Variants in CACNA2D3 observed in about 807,000 individuals in gnomAD.
The protein encoded by CACNA2D3 is calcium voltage-gated channel auxiliary subunit alpha2delta 3.
CACNA2D3 carries 60 observed loss-of-function variants against 160.6 expected under a neutral mutation model. The ratio of observed to expected loss-of-function variants is 0.37; its 90% CI spans 0.30 to 0.46. CACNA2D3 has a LOEUF of 0.46. CACNA2D3 is among the 20% of genes least tolerant of loss of function. The pLI is 1.00. For missense variants in CACNA2D3, 1,205 were observed against 1,365.0 expected, an observed-to-expected ratio of 0.88 and a Z score of 1.85; for synonymous variants, 558 against 492.9, an observed-to-expected ratio of 1.13 and a Z score of -1.75.
At chr3:54,985,167 G>T (rs535404185) in intron 30 of CACNA2D3, among the ~76,000 whole-genome samples, 2 of 152,282 alleles carry the variant, frequency 1.3e-5, no homozygotes, top group South Asian at 2.1e-4. Context: ...AACAGCTTGG[G>T]CTCTCAACAC....
rs373186412 is a variant in CACNA2D3 at position 54,666,914 on chromosome 3, C to G, written c.1167+24673C>G. 1.3e-3 allele frequency among the ~76,000 whole-genome samples: 203 copies of G among 152,292 alleles called. 2 individuals carry two copies. The highest frequency in any genetic ancestry group is 4.6e-3 in the African/African-American group (192 of 41,566). On this transcript the variant is annotated intron_variant, in intron 11 of 37. Coordinates refer to ENST00000474759, the MANE Select transcript of CACNA2D3 (RefSeq NM_018398.3). ...GTCACCTGGGGCAGCAGAATCCTTT[C>G]AAGACTCTGCCCAGGTGGATGGCTG...
At chr3:54,943,057 C>G (rs1332592698) in intron 27 of CACNA2D3, among the ~76,000 whole-genome samples, 1 of 151,762 alleles carries the variant, frequency 6.6e-6, no homozygotes, top group East Asian at 1.9e-4. Context: ...TCAAAATTAA[C>G]CATGTGTGGT....
At chr3:54,361,473 T>C (rs957267304) in intron 3 of CACNA2D3, among the ~76,000 whole-genome samples, 11 of 152,254 alleles carry the variant, frequency 7.2e-5, no homozygotes, top group African/African-American at 2.7e-4. Context: ...ACTTTAGTTT[T>C]TTCATTTGAG....
chr3:54,890,292 C>A (rs191744018), intron 24 of CACNA2D3, among the ~76,000 whole-genome samples: 1 of 151,834 alleles, frequency 6.6e-6, no homozygotes, highest in Non-Finnish European at 1.5e-5. Context: ...GGCAGGAGAT[C>A]GAGACCATCC....
At chr3:54,752,768 A>C in intron 12 of CACNA2D3, 91 bp downstream of exon 12, 1 of 896,190 alleles carries the variant, frequency 1.1e-6, no homozygotes, top group Non-Finnish European at 1.8e-6. Context: ...AGTTCTAATA[A>C]TTCTAAGATA....
chr3:54,963,251 T>G (rs1337501087), intron 27 of CACNA2D3, among the ~76,000 whole-genome samples: 1 of 152,164 alleles, frequency 6.6e-6, no homozygotes, highest in Non-Finnish European at 1.5e-5. Context: ...ACCTAAGTCA[T>G]CTCATTTCTT....
chr3:54,819,713 C>T (rs558191180), intron 14 of CACNA2D3, among the ~76,000 whole-genome samples: 10 of 152,124 alleles, frequency 6.6e-5, no homozygotes, highest in Middle Eastern at 3.4e-3. Flanking sequence ...GGCGTGGTGG[C>T]GCACACCTAT....
chr3:54,811,872 C>A (rs1703329254), intron 13 of CACNA2D3, among the ~76,000 whole-genome samples: 1 of 152,158 alleles, frequency 6.6e-6, no homozygotes. Context: ...GTCTTTATTG[C>A]TCTCTGGCTT....
chr3:54,189,097 A>G (rs1212296856), intron 2 of CACNA2D3, among the ~76,000 whole-genome samples: 1 of 152,210 alleles, frequency 6.6e-6, no homozygotes, highest in Non-Finnish European at 1.5e-5. Flanking sequence ...GCTTGAGGGA[A>G]ATGAGGGCTG....
At chr3:54,172,559 C>T (rs897287471) in intron 2 of CACNA2D3, among the ~76,000 whole-genome samples, 5 of 152,210 alleles carry the variant, frequency 3.3e-5, no homozygotes, top group African/African-American at 1.2e-4. Context: ...GAGAAGGTGA[C>T]TACTAATTCT....
At chr3:54,905,418 G>A (rs1700431053) in intron 27 of CACNA2D3, among the ~76,000 whole-genome samples, 2 of 152,154 alleles carry the variant, frequency 1.3e-5, no homozygotes, top group Non-Finnish European at 2.9e-5. Context: ...CTGGCAAAAT[G>A]TTCTAGGCAA....
At chr3:54,930,893 T>C (rs2106955676) in intron 27 of CACNA2D3, among the ~76,000 whole-genome samples, 1 of 152,246 alleles carries the variant, frequency 6.6e-6, no homozygotes, top group African/African-American at 2.4e-5. Flanking sequence ...GGACAGGAGT[T>C]CGAGACCAGC....
chr3:54,821,257 C>T (rs906383516), intron 14 of CACNA2D3, among the ~76,000 whole-genome samples: 5 of 152,202 alleles, frequency 3.3e-5, no homozygotes, highest in Middle Eastern at 3.2e-3. Flanking sequence ...ATCTCTAATC[C>T]TGTTTGGAAC....
chr3:54,431,198 G>A (rs1387424659), intron 4 of CACNA2D3, among the ~76,000 whole-genome samples: 1 of 151,878 alleles, frequency 6.6e-6, no homozygotes, highest in African/African-American at 2.4e-5. Flanking sequence ...TTAGCCAGGT[G>A]CAATGGCAGG....
In CACNA2D3 at chr3:54,442,279, A is replaced by G. The variant is rs952094783; in HGVS notation, c.381+55505A>G. Among the ~76,000 whole-genome samples, 7 of 152,178 alleles carry G rather than the reference A, an allele frequency of 4.6e-5. 1 individual carries two copies. The highest frequency in any genetic ancestry group is 4.4e-5 in the Non-Finnish European group (3 of 68,022). On this transcript the variant is annotated intron_variant, in intron 4 of 37. Transcript: ENST00000474759. ...ATGTGGCCTAGTTTTGGCCAATGAG[A>G]CATTGGCAGAAGCTTCTAGAGAATG...
At chr3:54,770,965 A>C (rs1575467777) in intron 13 of CACNA2D3, among the ~76,000 whole-genome samples, 1 of 152,196 alleles carries the variant, frequency 6.6e-6, no homozygotes, top group Non-Finnish European at 1.5e-5. Context: ...GAGAAAAAAA[A>C]CATCTTCCTT....
At chr3:54,842,934 G>A (rs1462981310) in intron 16 of CACNA2D3, among the ~76,000 whole-genome samples, 2 of 151,536 alleles carry the variant, frequency 1.3e-5, no homozygotes, top group East Asian at 1.9e-4. Flanking sequence ...ATCAGAGGAA[G>A]GAAAGAGAAC....
intron 5 of CACNA2D3, among the ~76,000 whole-genome samples, chr3:54,547,674 T>G (rs1349826157): frequency 2.5e-3 from 1 of 394 alleles, no homozygotes; most frequent in East Asian, 0.071. Context: ...CCCCAACCCT[T>G]TTTTTTTTTT....
chr3:54,563,896 G>A (rs1702367158), intron 6 of CACNA2D3, among the ~76,000 whole-genome samples: 1 of 152,126 alleles, frequency 6.6e-6, no homozygotes, highest in South Asian at 2.1e-4. Flanking sequence ...CTGGGTCTCT[G>A]CTTTGCCAGA....
Sources: allele counts gnomAD v4.1 joint callset (sites outside exome capture counted in the v4.1 genomes callset), GRCh38; gene constraint gnomAD v4.1.1; transcripts MANE v1.5; gene names NCBI Gene and HGNC (gene_info 2026-07-23, HGNC 2026-07-21).